SPTLC3: variants seen among roughly 807,000 people sequenced by gnomAD.
The protein encoded by SPTLC3 is serine palmitoyltransferase 3.
SPTLC3 carries 36 observed loss-of-function variants against 59.3 expected under a neutral mutation model. The ratio of observed to expected loss-of-function variants is 0.61; its 90% CI spans 0.47 to 0.80. The LOEUF is 0.80. Among genes scored for constraint, SPTLC3 ranks in the 30% least tolerant of loss-of-function variants. The pLI is 0.00. For synonymous variants in SPTLC3, 257 were observed against 240.8 expected (o/e 1.07, Z -0.62); for missense variants, 625 against 685.1 (o/e 0.91, Z 0.98).
intron 6 of SPTLC3, among the ~76,000 whole-genome samples, chr20:13,101,612 G>A (rs1460583282): frequency 6.6e-6 from 1 of 152,216 alleles, no homozygotes; most frequent in Non-Finnish European, 1.5e-5. Flanking sequence ...CAGCTACAGA[G>A]TCAGCTGCAA....
chr20:13,053,539 T>C (rs1041508784), intron 2 of SPTLC3, among the ~76,000 whole-genome samples: 1 of 151,294 alleles, frequency 6.6e-6, no homozygotes, highest in African/African-American at 2.4e-5. Flanking sequence ...GGAGAATGAG[T>C]TTGACGAATT....
chr20:13,081,332 C>A (rs999854717), intron 4 of SPTLC3, among the ~76,000 whole-genome samples: 4 of 152,168 alleles, frequency 2.6e-5, no homozygotes, highest in Non-Finnish European at 5.9e-5. Context: ...TGTTCTTAAT[C>A]ATTAGAGAAT....
chr20:13,049,228 G>C (rs1987368260), intron 2 of SPTLC3, 98 bp downstream of exon 2: 1 of 1,355,182 alleles, frequency 7.4e-7, no homozygotes, highest in East Asian at 2.4e-5. Flanking sequence ...GAAAGCATGA[G>C]GTGCTCAGGA....
chr20:13,060,423 G>T (rs1987921271), intron 2 of SPTLC3, among the ~76,000 whole-genome samples: 1 of 142,544 alleles, frequency 7.0e-6, no homozygotes, highest in Admixed American at 7.1e-5. Context: ...TTTATCTGGG[G>T]GATTGTCCTA....
At chr20:13,119,503 A>G (rs1430863913) in intron 8 of SPTLC3, among the ~76,000 whole-genome samples, 1 of 152,212 alleles carries the variant, frequency 6.6e-6, no homozygotes, top group Non-Finnish European at 1.5e-5. Flanking sequence ...GAAAATTACC[A>G]TTATTTACAT....
intron 2 of SPTLC3, 148 bp downstream of exon 2, chr20:13,049,278 C>A (rs1349403445): frequency 6.0e-6 from 5 of 832,730 alleles, no homozygotes; most frequent in African/African-American, 5.0e-5. Context: ...ACCTCCTAAA[C>A]CCCATTACCC....
At chr20:13,080,511 C>CAAAAAAAAG (rs1988804196) in intron 4 of SPTLC3, among the ~76,000 whole-genome samples, 1 of 122,882 alleles carries the variant, frequency 8.1e-6, no homozygotes, top group Admixed American at 8.5e-5. Context: ...CATCCATCTC[C>CAAAAAAAAG]AAAAAAAAAA....
intron 11 of SPTLC3, 108 bp downstream of exon 11, chr20:13,160,240 A>G: frequency 7.4e-7 from 1 of 1,358,234 alleles, no homozygotes; most frequent in Non-Finnish European, 9.7e-7. Context: ...TGGGTTATTT[A>G]GGAAAACAAC....
At chr20:13,155,721 G>T (rs2038753291) in intron 10 of SPTLC3, among the ~76,000 whole-genome samples, 1 of 152,128 alleles carries the variant, frequency 6.6e-6, no homozygotes, top group Non-Finnish European at 1.5e-5. Flanking sequence ...AGCTACTCGG[G>T]AGGCTGAGGC....
rs1038783325 is a variant in SPTLC3, at chr20:13,120,683, A to C, written c.1152+2958A>C. On this transcript the variant is annotated intron_variant, in intron 8 of 11. Transcript: ENST00000399002. ...ATGAAACACATTTGAAAACAAGGAG[A>C]AAAAAATGGTTTAGTATGACGATAC... 2.6e-5 allele frequency among the ~76,000 whole-genome samples: 4 copies of C among 152,238 alleles called. No homozygotes were observed. The South Asian group carries it at 8.3e-4, about 32-fold the overall frequency.
intron 2 of SPTLC3, among the ~76,000 whole-genome samples, chr20:13,060,911 G>A (rs535098503): frequency 1.3e-5 from 2 of 151,896 alleles, no homozygotes; most frequent in South Asian, 2.1e-4. Context: ...TGTTTTCAAC[G>A]GTGCTACAAT....
chr20:13,137,166 G>A (rs1393320685), intron 9 of SPTLC3, among the ~76,000 whole-genome samples: 3 of 152,166 alleles, frequency 2.0e-5, no homozygotes, highest in Non-Finnish European at 4.4e-5. Flanking sequence ...CAAGACCTGA[G>A]GAGGAAATAT....
chr20:13,014,365 T>A (rs566945221), intron 1 of SPTLC3, among the ~76,000 whole-genome samples: 4 of 152,164 alleles, frequency 2.6e-5, no homozygotes, highest in Admixed American at 6.5e-5. Context: ...CAGAGAGGCA[T>A]TTGACCCAAG....
At chr20:13,102,168 G>A (rs542812666) in intron 6 of SPTLC3, among the ~76,000 whole-genome samples, 12 of 152,282 alleles carry the variant, frequency 7.9e-5, no homozygotes, top group African/African-American at 1.9e-4. Context: ...AGTTAAACCC[G>A]TAAACATGGC....
chr20:13,163,509 A>T (rs1209259349), intron 11 of SPTLC3, among the ~76,000 whole-genome samples: 1 of 152,072 alleles, frequency 6.6e-6, no homozygotes, highest in Non-Finnish European at 1.5e-5. Context: ...TTCAGCAAAG[A>T]TTGCTAGAAA....
In SPTLC3 at chr20:13,009,318, C is replaced by T; in HGVS notation, c.51C>T (p.His17=). The change falls in exon 1 of 12, where the codon CAC becomes CAT. Residue 17 remains histidine (H), a synonymous_variant. Transcript: ENST00000399002. ...TTTGCAACGGGAAACTTCACAATCA[C>T]AAGAAACAGAGCAATGGCTCACAAA... The part of the protein sequence containing the change: ...GAVCNGKLHN[H]KKQSNGSQSR... The T allele has an allele frequency of 6.2e-7, 1 of 1,614,042 alleles. No individual in the cohort carries two copies.
intron 5 of SPTLC3, 97 bp downstream of exon 5, chr20:13,091,304 G>A: frequency 6.8e-7 from 1 of 1,478,894 alleles, no homozygotes; most frequent in Admixed American, 1.9e-5. Flanking sequence ...GATGGGCACG[G>A]TGGTTCACGC....
chr20:13,131,167 G>A (rs1029394370), intron 9 of SPTLC3, among the ~76,000 whole-genome samples: 2 of 152,146 alleles, frequency 1.3e-5, no homozygotes, highest in African/African-American at 4.8e-5. Flanking sequence ...TATTACTCAT[G>A]TTTAAATCTT....
chr20:13,153,932 C>T (rs2038708272), intron 9 of SPTLC3, 71 bp from the exon 10 acceptor site: 3 of 1,578,142 alleles, frequency 1.9e-6, no homozygotes, highest in African/African-American at 1.4e-5. Context: ...AAGATGCTTG[C>T]CAAGTTGACC....
Sources: allele counts gnomAD v4.1 joint callset (sites outside exome capture counted in the v4.1 genomes callset), GRCh38; gene constraint gnomAD v4.1.1; transcripts MANE v1.5; gene names NCBI Gene and HGNC (gene_info 2026-07-23, HGNC 2026-07-21).